Variants in CPXM2 observed in about 807,000 individuals in gnomAD.
The protein encoded by CPXM2 is inactive carboxypeptidase-like protein X2.
Under a neutral mutation model 86.1 loss-of-function variants are expected in CPXM2, and 66 were observed. The observed-to-expected ratio is 0.77, with a 90% CI of 0.63 to 0.94. CPXM2 has a LOEUF of 0.94. Ranked by LOEUF, CPXM2 falls within the 40% of genes least tolerant of loss-of-function variation. The pLI, the probability that CPXM2 is intolerant of heterozygous loss-of-function variation, is 0.00. For missense variants in CPXM2, 948 were observed against 1,026.3 expected (o/e 0.92, Z 1.04); for synonymous variants, 388 against 400.2 (o/e 0.97, Z 0.36).
chr10:123,825,701 A>G (rs2459767), intron 4 of CPXM2, among the ~76,000 whole-genome samples: 97,059 of 152,050 alleles, frequency 0.64, 33,568 homozygotes, highest in Non-Finnish European at 0.77. Flanking sequence ...TGTTAAAAAA[A>G]GAGTTCTCTA....
intron 4 of CPXM2, among the ~76,000 whole-genome samples, chr10:123,841,106 T>C (rs1848376810): frequency 6.6e-6 from 1 of 152,202 alleles, no homozygotes. Context: ...ATTTGTGATC[T>C]TGGCTTCTCA....
chr10:123,859,565 G>A (rs1848809969), intron 3 of CPXM2, among the ~76,000 whole-genome samples: 1 of 152,224 alleles, frequency 6.6e-6, no homozygotes, highest in Non-Finnish European at 1.5e-5. Flanking sequence ...ACCCGAGTAG[G>A]GTCAGAGCCA....
chr10:123,829,985 A>G (rs1163244016), intron 4 of CPXM2, among the ~76,000 whole-genome samples: 1 of 151,828 alleles, frequency 6.6e-6, no homozygotes, highest in Non-Finnish European at 1.5e-5. Context: ...TGTTACATAT[A>G]CCCTACACCA....
chr10:123,918,451 T>G (rs902608770), intron 2 of CPXM2, among the ~76,000 whole-genome samples: 9 of 151,564 alleles, frequency 5.9e-5, no homozygotes, highest in Admixed American at 4.6e-4. Context: ...GGGAAAGAAA[T>G]AAAAACTCGA....
intron 4 of CPXM2, among the ~76,000 whole-genome samples, chr10:123,801,561 C>T (rs1796004580): frequency 6.6e-6 from 1 of 152,254 alleles, no homozygotes; most frequent in Admixed American, 6.5e-5. Flanking sequence ...TCTCTCAGGC[C>T]CCCTGGCATC....
intron 3 of CPXM2, among the ~76,000 whole-genome samples, chr10:123,843,437 T>TC (rs1267604907): frequency 6.7e-6 from 1 of 149,534 alleles, no homozygotes; most frequent in African/African-American, 2.5e-5. Flanking sequence ...GAGCTATTTT[T>TC]TTTTTTTTTT....
In CPXM2 at chr10:123,908,472, A is replaced by ACC. The variant is rs1439297400; in HGVS notation, n.175-28165_175-28164dup. On this transcript the variant is annotated intron_variant and non_coding_transcript_variant, in intron 2 of 19. Transcript: ENST00000368854. ...CTGGCTGAGCTCATGCCAGAGCCAG[A>ACC]CCCCGGGCAGGTTCTGGGAAGTCGG... is the stretch of plus-strand genomic sequence containing the variant. Among the ~76,000 whole-genome samples, 5 of 152,224 alleles carry ACC rather than the reference A, an allele frequency of 3.3e-5. No individual in the cohort carries two copies. The East Asian group carries it at 7.7e-4, about 23-fold the overall frequency.
intron 2 of CPXM2, among the ~76,000 whole-genome samples, chr10:123,897,960 A>C (rs1023616564): frequency 4.6e-5 from 7 of 152,204 alleles, no homozygotes; most frequent in African/African-American, 1.7e-4. Flanking sequence ...CTGAAACAGC[A>C]GTGCCAAATG....
rs1945162358 is a variant in CPXM2, at chr10:123,885,270, A to AGAAGGCTGGGAGGCTGGGAGGCTG, written c.305-4985_305-4962dup. 6.6e-6 allele frequency among the ~76,000 whole-genome samples: 1 copy of AGAAGGCTGGGAGGCTGGGAGGCTG among 152,038 alleles called. No homozygotes were observed. The highest frequency in any genetic ancestry group is 2.4e-5 in the African/African-American group (1 of 41,390). Reference sequence around the variant, plus strand: ...GCCCCACTCCGGAGGCTGGGAGGCTAGAAGGCTGGGAGGCTGGGAGGCTGG... The same window carrying AGAAGGCTGGGAGGCTGGGAGGCTG: ...GCCCCACTCCGGAGGCTGGGAGGCTAGAAGGCTGGGAGGCTGGGAGGCTGGAAGGCTGGGAGGCTGGGAGGCTGG... On this transcript the variant is annotated intron_variant, in intron 1 of 13. Coordinates refer to ENST00000241305, the MANE Select transcript of CPXM2 (RefSeq NM_198148.3). This position sits in a 1 kb window ranked among gnomAD's most constrained non-coding sequence, Gnocchi z 4.0.
chr10:123,803,118 C>CTTTTTTTTTTTTTTTT lies in CPXM2; in HGVS notation c.654-3935_654-3920dup, dbSNP rs532954173. Among the ~76,000 whole-genome samples the CTTTTTTTTTTTTTTTT allele has an allele frequency of 2.2e-4, 14 of 63,642 alleles. 2 individuals are homozygous for CTTTTTTTTTTTTTTTT. Among genetic ancestry groups the CTTTTTTTTTTTTTTTT allele is most frequent in the Admixed American group, 4.1e-4 (2 of 4,856 alleles). 41.8% of individuals were successfully genotyped at this position (63,642 alleles called of 152,430 possible). Reference sequence around the variant, plus strand: ...TCCTTTTCATCCTCTTTGTAGTACCCTTTTTTTTTTTTTTTTTTTTTTTTT... The same window carrying CTTTTTTTTTTTTTTTT: ...TCCTTTTCATCCTCTTTGTAGTACCCTTTTTTTTTTTTTTTTTTTTTTTTTTTTTTTTTTTTTTTTT... On this transcript the variant is annotated intron_variant, in intron 4 of 13. Transcript: ENST00000241305.
intron 4 of CPXM2, among the ~76,000 whole-genome samples, chr10:123,827,349 A>ACCAACAAAGATTGC (rs549044705): frequency 4.6e-5 from 7 of 152,318 alleles, no homozygotes; most frequent in Non-Finnish European, 1.0e-4. Flanking sequence ...CATACCAAAA[A>ACCAACAAAGATTGC]CCAACAAAGA....
intron 2 of CPXM2, among the ~76,000 whole-genome samples, chr10:123,879,212 C>A (rs1420699781): frequency 6.6e-6 from 1 of 152,208 alleles, no homozygotes; most frequent in Non-Finnish European, 1.5e-5. Flanking sequence ...TGCCCCAAAT[C>A]ATTACATTGT....
intron 7 of CPXM2, among the ~76,000 whole-genome samples, chr10:123,772,517 AT>A: frequency 6.7e-6 from 1 of 149,124 alleles, no homozygotes; most frequent in African/African-American, 2.5e-5. Context: ...GGGTGTAGTT[AT>A]CACCTCCCTG....
At chr10:123,808,892 A>T (rs1847634537) in intron 4 of CPXM2, among the ~76,000 whole-genome samples, 1 of 152,184 alleles carries the variant, frequency 6.6e-6, no homozygotes, top group African/African-American at 2.4e-5. Flanking sequence ...AGCACTTCAC[A>T]AATACTGTAA....
chr10:123,793,810 A>T (rs1847263167), intron 6 of CPXM2, among the ~76,000 whole-genome samples: 1 of 152,224 alleles, frequency 6.6e-6, no homozygotes, highest in Admixed American at 6.5e-5. Flanking sequence ...GAGGGTATTC[A>T]GACTACAGGC....
intron 4 of CPXM2, among the ~76,000 whole-genome samples, chr10:123,812,075 T>C (rs1341439783): frequency 6.6e-6 from 1 of 152,196 alleles, no homozygotes; most frequent in Non-Finnish European, 1.5e-5. Context: ...GTATATATCA[T>C]GGGGACTGCT....
chr10:123,878,497 A>G (rs1234455509), intron 2 of CPXM2, among the ~76,000 whole-genome samples: 1 of 134,654 alleles, frequency 7.4e-6, no homozygotes, highest in Non-Finnish European at 1.6e-5. Context: ...AAAAGGAGGC[A>G]AATTCAGACG....
chr10:123,784,531 A>T (rs1452754436), intron 6 of CPXM2, among the ~76,000 whole-genome samples: 1 of 152,124 alleles, frequency 6.6e-6, no homozygotes, highest in African/African-American at 2.4e-5. Context: ...GCTGCCCCAT[A>T]GGGCCTTCTG....
At chr10:123,845,334 T>G (rs1227387566) in intron 3 of CPXM2, among the ~76,000 whole-genome samples, 1 of 147,690 alleles carries the variant, frequency 6.8e-6, no homozygotes, top group Non-Finnish European at 1.5e-5. Flanking sequence ...AAAAAAAAAA[T>G]GCAAACTATA....
Sources: gnomAD v4.1 joint callset for allele counts (sites outside exome capture counted in the v4.1 genomes callset) on GRCh38, gnomAD v4.1.1 for gene constraint, Gnocchi (gnomAD v3.1) non-coding constraint, MANE v1.5 for transcripts, NCBI Gene and HGNC (gene_info 2026-07-23, HGNC 2026-07-21) for gene names.